BPGM: variants seen among roughly 807,000 people sequenced by gnomAD.
BPGM encodes the protein bisphosphoglycerate mutase.
Under a neutral mutation model 21.6 loss-of-function variants are expected in BPGM, and 15 were observed. That is an observed-to-expected ratio of 0.70 (90% CI 0.47 to 1.07). BPGM has a LOEUF of 1.07. Among genes scored for constraint, BPGM ranks in the 50% least tolerant of loss-of-function variants. The pLI, the probability that BPGM is intolerant of heterozygous loss-of-function variation, is 0.00. For synonymous variants in BPGM, 113 were observed against 116.2 expected, an observed-to-expected ratio of 0.97 and a Z score of 0.18; for missense variants, 273 against 319.0, an observed-to-expected ratio of 0.86 and a Z score of 1.10.
chr7:134,664,886 A>C (rs1401587417), intron 2 of BPGM, among the ~76,000 whole-genome samples: 1 of 152,208 alleles, frequency 6.6e-6, no homozygotes, highest in Non-Finnish European at 1.5e-5. Flanking sequence ...TACCCAGAAT[A>C]GGCAAATCTT....
At chr7:134,654,642 T>C (rs1219383349) in intron 1 of BPGM, among the ~76,000 whole-genome samples, 1 of 152,264 alleles carries the variant, frequency 6.6e-6, no homozygotes, top group South Asian at 2.1e-4. Flanking sequence ...ATAGTACTCT[T>C]ACAGGTAGGT....
rs1438312524 is a variant in BPGM at position 134,661,365 on chromosome 7, A to T, written c.-61-82A>T. On this transcript the variant is annotated intron_variant, in intron 1 of 2. Transcript: ENST00000344924. The surrounding 1 kb of genome is among the most constrained non-coding windows in gnomAD (Gnocchi z 4.6). Reference sequence around the variant, plus strand: ...TCAAAGGGATTTCAGTTTCTTTTAGAAATTGGGTGTTGTAAAGCGATGTTT... The same window carrying T: ...TCAAAGGGATTTCAGTTTCTTTTAGTAATTGGGTGTTGTAAAGCGATGTTT... 8.2e-7 allele frequency: 1 copy of T among 1,215,846 alleles called. No individual in the cohort carries two copies. The highest frequency in any genetic ancestry group is 1.2e-6 in the Non-Finnish European group (1 of 851,448). The allele number at this position is 1,215,846 out of a possible 1,614,324, so 75.3% of individuals were successfully genotyped here.
chr7:134,678,890 T>C lies in BPGM; in HGVS notation c.639T>C (p.Pro213=), dbSNP rs150064470. 5.9e-5 allele frequency: 96 copies of C among 1,613,998 alleles called. No homozygotes were observed. Among genetic ancestry groups the C allele is most frequent in the Non-Finnish European group, 8.1e-5 (96 of 1,179,966 alleles). ...AAGACATCATCAACATTACTCTTCC[T>C]ACTGGAGTCCCCATTCTTCTGGAAT... ...SDEDIINITL[P]TGVPILLELD... is the part of the protein sequence containing the mutation. The change falls in exon 3 of 3, where the codon CCT becomes CCC. Residue 213 remains proline (P), a synonymous_variant. Coordinates refer to ENST00000344924, the MANE Select transcript of BPGM (RefSeq NM_001724.5).
chr7:134,660,619 A>T (rs967743351), intron 1 of BPGM: 2 of 152,630 alleles, frequency 1.3e-5, no homozygotes, highest in African/African-American at 2.4e-5. Context: ...GCTGGGGAGG[A>T]GGAGGTGGGG....
At chr7:134,657,408 T>C (rs1795655780) in intron 1 of BPGM, among the ~76,000 whole-genome samples, 1 of 152,210 alleles carries the variant, frequency 6.6e-6, no homozygotes, top group African/African-American at 2.4e-5. Context: ...CTAAGACCAG[T>C]AGGAAGAATT....
intron 1 of BPGM, among the ~76,000 whole-genome samples, chr7:134,650,898 C>G (rs943546909): frequency 3.3e-5 from 5 of 152,238 alleles, no homozygotes; most frequent in Non-Finnish European, 7.3e-5. Flanking sequence ...GCACTCCAGC[C>G]TGGGCGACAG....
At chr7:134,655,323 C>A (rs1196164769) in intron 1 of BPGM, among the ~76,000 whole-genome samples, 1 of 152,254 alleles carries the variant, frequency 6.6e-6, no homozygotes, top group South Asian at 2.1e-4. Flanking sequence ...AGCCCTCCTT[C>A]ATGTTCACCT....
intron 2 of BPGM, among the ~76,000 whole-genome samples, chr7:134,677,251 T>TTTTA (rs1554413731): frequency 1.3e-5 from 2 of 152,002 alleles, no homozygotes; most frequent in Non-Finnish European, 2.9e-5. Context: ...TGTGTGTTTC[T>TTTTA]TTTCTTTCTT....
At chr7:134,672,236 A>G (rs182252802) in intron 2 of BPGM, among the ~76,000 whole-genome samples, 1 of 152,156 alleles carries the variant, frequency 6.6e-6, no homozygotes, top group East Asian at 1.9e-4. Flanking sequence ...TTCGATACTT[A>G]AAGGCAGACT....
intron 2 of BPGM, among the ~76,000 whole-genome samples, chr7:134,664,218 A>G (rs1055840257): frequency 6.6e-6 from 1 of 152,092 alleles, no homozygotes; most frequent in African/African-American, 2.4e-5. Context: ...AAAACAACCA[A>G]ACTGGGTGGG....
chr7:134,661,795 C>T lies in BPGM; in HGVS notation c.288C>T (p.Ile96=), dbSNP rs775128216. The change falls in exon 2 of 3, where the codon ATC becomes ATT. Residue 96 remains isoleucine (I), a synonymous_variant. Coordinates refer to ENST00000344924, the MANE Select transcript of BPGM (RefSeq NM_001724.5). The surrounding 1 kb of genome is among the most constrained non-coding windows in gnomAD (Gnocchi z 4.6). ...ATGAGCGTCACTATGGGGCCTTGAT[C>T]GGTCTCAACAGGGAGCAGATGGCTT... ...RLNERHYGAL[I]GLNREQMALN... is the part of the protein sequence containing the mutation. 3.2e-5 allele frequency: 51 copies of T among 1,613,780 alleles called. No individual in the cohort carries two copies. The South Asian group carries it at 3.8e-4, about 12-fold the overall frequency.
chr7:134,676,735 C>T (rs1456191784), intron 2 of BPGM, among the ~76,000 whole-genome samples: 1 of 152,162 alleles, frequency 6.6e-6, no homozygotes, highest in Non-Finnish European at 1.5e-5. Flanking sequence ...ATAAAGGGCC[C>T]TCAGTTACTA....
intron 1 of BPGM, chr7:134,658,455 G>A (rs118060618): frequency 6.6e-6 from 1 of 152,316 alleles, no homozygotes; most frequent in African/African-American, 2.4e-5. Context: ...GTCCTTGCAG[G>A]TCACTGTGCC....
intron 1 of BPGM, among the ~76,000 whole-genome samples, chr7:134,657,170 C>A (rs1280549389): frequency 1.3e-5 from 2 of 152,194 alleles, no homozygotes; most frequent in African/African-American, 4.8e-5. Flanking sequence ...TTTAAAACTT[C>A]ATTGTGCCTC....
At chr7:134,673,836 C>A (rs933687366) in intron 2 of BPGM, among the ~76,000 whole-genome samples, 2 of 151,390 alleles carry the variant, frequency 1.3e-5, no homozygotes, top group Non-Finnish European at 2.9e-5. Context: ...TAAAAAGGTC[C>A]ATTTTTACTG....
intron 2 of BPGM, among the ~76,000 whole-genome samples, chr7:134,665,647 ATG>A (rs1448450940): frequency 9.0e-5 from 2 of 22,110 alleles, no homozygotes; most frequent in Non-Finnish European, 1.3e-4. Flanking sequence ...ATAAAAATTA[ATG>A]AAAAAAAAAA....
In BPGM at chr7:134,658,973, G is replaced by A. The variant is rs1271723254; in HGVS notation, c.-61-2474G>A. On this transcript the variant is annotated intron_variant, in intron 1 of 2. Transcript: ENST00000344924. The stretch of plus-strand genomic sequence containing the variant: ...AGGAGAATAAGATACCACAAAGCTT[G>A]GTGGTGGGTGCCTGAGTGTCCATGT... Among the ~76,000 whole-genome samples the A allele has an allele frequency of 2.0e-5, 3 of 150,594 alleles. No individual in the cohort carries two copies. In the East Asian group the frequency reaches 5.9e-4, roughly 29 times the overall value.
intron 1 of BPGM, among the ~76,000 whole-genome samples, chr7:134,649,106 A>G (rs923478712): frequency 1.1e-4 from 17 of 152,278 alleles, no homozygotes; most frequent in African/African-American, 4.1e-4. Flanking sequence ...CACCAAAAGC[A>G]TTTATCCTTT....
In BPGM at chr7:134,665,649, G is replaced by GA. The variant is rs1164169964; in HGVS notation, c.601+3565dup. Among the ~76,000 whole-genome samples the GA allele has an allele frequency of 9.8e-4, 77 of 78,248 alleles. 13 individuals carry two copies. Among genetic ancestry groups the GA allele is most frequent in the Non-Finnish European group, 1.5e-3 (49 of 32,462 alleles). The allele number at this position is 78,248 out of a possible 152,430, so 51.3% of individuals were successfully genotyped here. A position where few individuals can be genotyped will look rare whatever the true frequency, so the allele number is the denominator to read the frequency against. On this transcript the variant is annotated intron_variant, in intron 2 of 2. Coordinates refer to ENST00000344924, the MANE Select transcript of BPGM (RefSeq NM_001724.5). ...AAAATAAAATAAAATAAAAATTAAT[G>GA]AAAAAAAAAAAAAAAAAAAAAAAAG... is the stretch of plus-strand genomic sequence containing the variant.
Sources: allele counts gnomAD v4.1 joint callset (sites outside exome capture counted in the v4.1 genomes callset), GRCh38; gene constraint gnomAD v4.1.1; non-coding constraint Gnocchi (gnomAD v3.1); transcripts MANE v1.5; gene names NCBI Gene and HGNC (gene_info 2026-07-23, HGNC 2026-07-21).